Variants in TMEM25 observed in about 807,000 individuals in gnomAD.
The protein encoded by TMEM25 is 0610039J01Rik.
A neutral mutation model predicts 37.0 loss-of-function variants in TMEM25; 36 were observed. The observed-to-expected ratio is 0.97, with a 90% CI of 0.75 to 1.28. TMEM25 has a LOEUF of 1.28. TMEM25 is among the 50% of genes most tolerant of loss of function. The pLI is 0.00. For synonymous variants in TMEM25, 197 were observed against 203.7 expected (o/e 0.97, Z 0.28); for missense variants, 444 against 477.9 (o/e 0.93, Z 0.66).
rs781792224 is a variant in TMEM25, at chr11:118,533,458, ATTG to A, written c.717_719del (p.Val240del). ...CCGGGTGGAAGTGCCACTGCTGGGC[ATTG>A]TTGTGGCTGCTGGGCTTGCACTGGG... On this transcript the variant is annotated inframe_deletion, in exon 5 of 9. Transcript: ENST00000313236. 4.6e-5 allele frequency: 74 copies of A among 1,613,976 alleles called. No homozygotes were observed. Among genetic ancestry groups the A allele is most frequent in the Admixed American group, 4.5e-4 (27 of 59,996 alleles).
downstream of TMEM25, among the ~76,000 whole-genome samples, chr11:118,540,364 AAGG>A (rs1233127557): frequency 6.6e-6 from 1 of 152,158 alleles, no homozygotes; most frequent in Non-Finnish European, 1.5e-5. Context: ...AGCCACCTGA[AAGG>A]AGCTGAGTTC....
At chr11:118,532,674 G>T (rs1255508498) in intron 3 of TMEM25, 1 of 782,698 alleles carries the variant, frequency 1.3e-6, no homozygotes, top group Non-Finnish European at 2.0e-6. Flanking sequence ...TAAGCAATCT[G>T]CCCAGGGTGA....
At chr11:118,541,229 A>G (rs536890549) in intron 8 of TMEM25, among the ~76,000 whole-genome samples, 15 of 152,210 alleles carry the variant, frequency 9.9e-5, no homozygotes, top group Non-Finnish European at 2.1e-4. Flanking sequence ...TTGGGAGGCC[A>G]AGGCGGGCGG....
In TMEM25 at chr11:118,535,604, A is replaced by G. The variant is rs782030617; in HGVS notation, c.*1024A>G. On this transcript the variant is annotated 3_prime_UTR_variant, in exon 9 of 9. Coordinates refer to ENST00000313236, the MANE Select transcript of TMEM25 (RefSeq NM_032780.4). ...CCTGGAGGATGGTCGCCACAGGCAC[A>G]TAATTCAACAGTGTGGAAGCTTTAG... 6.5e-7 allele frequency: 1 copy of G among 1,530,744 alleles called. No individual in the cohort carries two copies. The highest frequency in any genetic ancestry group is 1.2e-5 in the South Asian group (1 of 83,390). The allele number at this position is 1,530,744 out of a possible 1,614,324, so 94.8% of individuals were successfully genotyped here.
At position 118,532,273 on chromosome 11, in the gene TMEM25, G is replaced by T. The variant is rs781814006; in HGVS notation, c.194G>T (p.Trp65Leu). ...GGGCCTGGCACCCCCAGATTGGCCT[G>T]GTATCTGGATGGACAGCTGCAGGAG... ...AGGPGTPRLAWYLDGQLQEAS... is the reference protein window; with the variant it reads ...AGGPGTPRLALYLDGQLQEAS... Residue 65 changes from tryptophan (W) to leucine (L), a missense_variant, in exon 3 of 9, where the codon TGG becomes TTG. Coordinates refer to ENST00000313236, the MANE Select transcript of TMEM25 (RefSeq NM_032780.4). 4 of 1,614,140 alleles carry T rather than the reference G, an allele frequency of 2.5e-6. No homozygotes were observed. In the South Asian group the frequency reaches 4.4e-5, roughly 18 times the overall value.
chr11:118,534,954 G>GTA lies in TMEM25; in HGVS notation c.*375_*376dup. ...CCACCCCAGTACTCCACAGCACCTT[G>GTA]TACAGTAGGCATGGGGGCGTGCCTG... On this transcript the variant is annotated 3_prime_UTR_variant, in exon 9 of 9. Transcript: ENST00000313236. This position sits in a 1 kb window ranked among gnomAD's most constrained non-coding sequence, Gnocchi z 4.6. 1 of 1,100,566 alleles carries GTA rather than the reference G, an allele frequency of 9.1e-7. No individual in the cohort carries two copies. Among genetic ancestry groups the GTA allele is most frequent in the Non-Finnish European group, 1.1e-6 (1 of 900,118 alleles). 68.2% of individuals were successfully genotyped at this position (1,100,566 alleles called of 1,614,324 possible).
downstream of TMEM25, among the ~76,000 whole-genome samples, chr11:118,537,645 A>G (rs1471482817): frequency 6.6e-6 from 1 of 152,220 alleles, no homozygotes; most frequent in Non-Finnish European, 1.5e-5. Flanking sequence ...TGAATAGTGC[A>G]GCAATAAACA....
chr11:118,532,252 C>G lies in TMEM25; in HGVS notation c.173C>G (p.Pro58Arg), dbSNP rs1394401077. 3 of 1,613,762 alleles carry G rather than the reference C, an allele frequency of 1.9e-6. No individual in the cohort carries two copies. Among genetic ancestry groups the G allele is most frequent in the Non-Finnish European group, 2.5e-6 (3 of 1,179,822 alleles). Residue 58 changes from proline to arginine, a missense_variant, in exon 3 of 9, where the codon CCT becomes CGT. Coordinates refer to ENST00000313236, the MANE Select transcript of TMEM25 (RefSeq NM_032780.4). ...HAFTCRVAGG[P>R]GTPRLAWYLD... ...TTCACCTGCCGGGTGGCAGGGGGGC[C>G]TGGCACCCCCAGATTGGCCTGGTAT...
chr11:118,533,740 G>A (rs1237817358), intron 5 of TMEM25, 117 bp from the exon 6 acceptor site: 4 of 1,582,976 alleles, frequency 2.5e-6, no homozygotes, highest in Non-Finnish European at 3.5e-6. Flanking sequence ...CTGGCCCCAG[G>A]GCCAGGCCTG....
chr11:118,535,084 A>C lies in TMEM25; in HGVS notation c.*504A>C. On this transcript the variant is annotated 3_prime_UTR_variant, in exon 9 of 9. Coordinates refer to ENST00000313236, the MANE Select transcript of TMEM25 (RefSeq NM_032780.4). ...GACCCTGCTAGCTGTGCAGAACCCAATTGCCCTTTGCACAGAAACCAACCC... is the reference window on the plus strand; with the variant it reads ...GACCCTGCTAGCTGTGCAGAACCCACTTGCCCTTTGCACAGAAACCAACCC... 1 of 1,020,124 alleles carries C rather than the reference A, an allele frequency of 9.8e-7. No individual in the cohort carries two copies. The highest frequency in any genetic ancestry group is 1.2e-6 in the Non-Finnish European group (1 of 852,012). The allele number at this position is 1,020,124 out of a possible 1,614,324, so 63.2% of individuals were successfully genotyped here. A position where few individuals can be genotyped will look rare whatever the true frequency, so the allele number is the denominator to read the frequency against.
Position 118,532,385 on chromosome 11 carries a change from G to A in TMEM25, c.306G>A (p.Gln102=), listed in dbSNP as rs782802438. 10 of 1,614,074 alleles carry A rather than the reference G, an allele frequency of 6.2e-6. No individual in the cohort carries two copies. Among genetic ancestry groups the A allele is most frequent in the Non-Finnish European group, 2.5e-6 (3 of 1,180,036 alleles). ...STFTVTAHRA[Q]HELNCSLQDP... ...TCACTGTCACTGCCCATCGGGCCCA[G>A]CATGAGCTCAACTGCTCTCTGCAGG... The change falls in exon 3 of 9, where the codon CAG becomes CAA. Residue 102 remains glutamine (Q), a synonymous_variant. Transcript: ENST00000313236.
chr11:118,534,308 G>A lies in TMEM25; in HGVS notation c.980G>A (p.Arg327Gln), dbSNP rs377226923. 39 of 1,614,140 alleles carry A rather than the reference G, an allele frequency of 2.4e-5. No individual in the cohort carries two copies. Among genetic ancestry groups the A allele is most frequent in the African/African-American group, 1.9e-4 (14 of 75,024 alleles). ...CGGCAGATGGCTCAGAACAACAGCCGGCCAGAGCTTCTGGACCCGGAGCCC... is the reference window on the plus strand; with the variant it reads ...CGGCAGATGGCTCAGAACAACAGCCAGCCAGAGCTTCTGGACCCGGAGCCC... ...ADRQMAQNNS[R>Q]PELLDPEPGG... is the part of the protein sequence containing the mutation. The change falls in exon 8 of 9, where the codon CGG becomes CAG. Residue 327 changes from arginine (R) to glutamine (Q), a missense_variant. Transcript: ENST00000313236. The surrounding 1 kb of genome is among the most constrained non-coding windows in gnomAD (Gnocchi z 4.6).
chr11:118,544,942 C>T, intron 8 of TMEM25: 2 of 1,613,666 alleles, frequency 1.2e-6, no homozygotes, highest in Non-Finnish European at 1.7e-6. Flanking sequence ...GTCTCCATGT[C>T]TCCAGCTTGG....
In TMEM25 at chr11:118,534,653, G is replaced by A; in HGVS notation, c.*73G>A. Reference sequence around the variant, plus strand: ...GTTCCTCCAAGGCATCCTCTACCTAGCTAGGTCACCAACGTGAAGAAGTTA... The same window carrying A: ...GTTCCTCCAAGGCATCCTCTACCTAACTAGGTCACCAACGTGAAGAAGTTA... On this transcript the variant is annotated 3_prime_UTR_variant, in exon 9 of 9. Transcript: ENST00000313236. This position sits in a 1 kb window ranked among gnomAD's most constrained non-coding sequence, Gnocchi z 4.6. The A allele has an allele frequency of 6.3e-7, 1 of 1,585,194 alleles. No individual in the cohort carries two copies. The highest frequency in any genetic ancestry group is 8.6e-7 in the Non-Finnish European group (1 of 1,162,554).
chr11:118,544,611 A>C, intron 8 of TMEM25: 1 of 315,370 alleles, frequency 3.2e-6, no homozygotes, highest in Non-Finnish European at 5.8e-6. Context: ...CTCTCACAAA[A>C]AGGACATCTT....
In TMEM25 at chr11:118,533,142, C is replaced by T. The variant is rs1555060477; in HGVS notation, c.608C>T (p.Ala203Val). ...HTVQLQLRSL[A>V]HNLSVVATND... is the part of the protein sequence containing the mutation. ...GTGCAGCTGCAGCTCCGCAGCCTGG[C>T]ACACAACCTCTCGGTGGTGGCCACC... The change falls in exon 4 of 9, where the codon GCA (alanine) becomes GTA (valine). Residue 203 changes from alanine to valine, a missense_variant. By Grantham distance (64) the Ala-to-Val change is moderately conservative. Transcript: ENST00000313236. The T allele has an allele frequency of 6.2e-7, 1 of 1,610,718 alleles. No homozygotes were observed.
At chr11:118,546,364 A>G (rs1951686385) in exon 9 of TMEM25, 1 of 543,300 alleles carries the variant, frequency 1.8e-6, no homozygotes, top group Non-Finnish European at 3.4e-6. Context: ...GGTGTTGAGT[A>G]TCTGTAGTCC....
intron 8 of TMEM25, chr11:118,544,878 G>C: frequency 2.1e-6 from 3 of 1,435,338 alleles, no homozygotes; most frequent in Non-Finnish European, 2.9e-6. Context: ...GGGGCAGAGG[G>C]GCCAGCTCAG....
rs782466102 is a variant in TMEM25 at position 118,534,009 on chromosome 11, G to A, written c.837-20G>A. On this transcript the variant is annotated intron_variant, in intron 6 of 8. Transcript: ENST00000313236. This position sits in a 1 kb window ranked among gnomAD's most constrained non-coding sequence, Gnocchi z 4.6. Reference sequence around the variant, plus strand: ...CTGTGCCGGGACTCATATCCATCCCGAACTTTGTCCTCCCTGTAGTGACTC... The same window carrying A: ...CTGTGCCGGGACTCATATCCATCCCAAACTTTGTCCTCCCTGTAGTGACTC... 48 of 1,613,864 alleles carry A rather than the reference G, an allele frequency of 3.0e-5. No individual in the cohort carries two copies. Among genetic ancestry groups the A allele is most frequent in the African/African-American group, 8.0e-5 (6 of 74,866 alleles).
Sources: gnomAD v4.1 joint callset for allele counts (sites outside exome capture counted in the v4.1 genomes callset) on GRCh38, gnomAD v4.1.1 for gene constraint, Gnocchi (gnomAD v3.1) non-coding constraint, MANE v1.5 for transcripts, NCBI Gene and HGNC (gene_info 2026-07-23, HGNC 2026-07-21) for gene names.